CFAP61: variants seen among roughly 807,000 people sequenced by gnomAD.
The protein encoded by CFAP61 is cilia and flagella associated protein 61.
Under a neutral mutation model 135.6 loss-of-function variants are expected in CFAP61, and 107 were observed. The ratio of observed to expected loss-of-function variants is 0.79; its 90% CI spans 0.67 to 0.93. The LOEUF is 0.93. CFAP61 is among the 40% of genes least tolerant of loss of function. The pLI is 0.00. For missense variants in CFAP61, 1,507 were observed against 1,556.2 expected, an observed-to-expected ratio of 0.97 and a Z score of 0.53; for synonymous variants, 575 against 578.5, an observed-to-expected ratio of 0.99 and a Z score of 0.09.
Position 20,127,529 on chromosome 20 carries a change from G to T in CFAP61, c.860-15328G>T, listed in dbSNP as rs369875711. 5.9e-5 allele frequency among the ~76,000 whole-genome samples: 9 copies of T among 151,646 alleles called. No individual in the cohort carries two copies. The South Asian group carries it at 1.7e-3, about 28-fold the overall frequency. On this transcript the variant is annotated intron_variant, in intron 8 of 26. Coordinates refer to ENST00000245957, the MANE Select transcript of CFAP61 (RefSeq NM_015585.4). ...ACCCAGCAAGTCTACCCAGCTCTGG[G>T]CTGGTACGGGGGGTTGTCTGGATAG...
chr20:20,192,637 C>T (rs2056005960), intron 15 of CFAP61, among the ~76,000 whole-genome samples: 1 of 152,114 alleles, frequency 6.6e-6, no homozygotes, highest in Non-Finnish European at 1.5e-5. Flanking sequence ...ACACCTGCCC[C>T]ATCCTTGTAA....
At chr20:20,127,791 T>A (rs966664097) in intron 8 of CFAP61, among the ~76,000 whole-genome samples, 1 of 151,488 alleles carries the variant, frequency 6.6e-6, no homozygotes, top group Non-Finnish European at 1.5e-5. Flanking sequence ...CCAGGGTGGG[T>A]AGGGAAGGAC....
chr20:20,188,666 C>CA (rs2055688055), intron 14 of CFAP61, among the ~76,000 whole-genome samples: 1 of 152,174 alleles, frequency 6.6e-6, no homozygotes, highest in Non-Finnish European at 1.5e-5. Flanking sequence ...AGGGCCATGA[C>CA]AGTTAATCTG....
At chr20:20,215,810 T>TTATA (rs138223129) in intron 17 of CFAP61, among the ~76,000 whole-genome samples, 71 of 150,448 alleles carry the variant, frequency 4.7e-4, no homozygotes, top group Middle Eastern at 3.4e-3. Context: ...GAAGACCTAT[T>TTATA]TATATATATA....
chr20:20,055,860 A>G (rs546746247), intron 1 of CFAP61: 3 of 1,028,192 alleles, frequency 2.9e-6, no homozygotes, highest in Non-Finnish European at 4.5e-6. Flanking sequence ...GGCTTTCCCT[A>G]TGAAGGAAAG....
chr20:20,303,073 C>A (rs1430583747), intron 25 of CFAP61, among the ~76,000 whole-genome samples: 2 of 152,118 alleles, frequency 1.3e-5, no homozygotes, highest in Non-Finnish European at 2.9e-5. Flanking sequence ...TGCTCCTTCA[C>A]TTATATATAG....
At chr20:20,198,068 GAAGA>G (rs1156333053) in intron 16 of CFAP61, among the ~76,000 whole-genome samples, 1 of 152,212 alleles carries the variant, frequency 6.6e-6, no homozygotes, top group African/African-American at 2.4e-5. Context: ...AGGGAATGGG[GAAGA>G]AAGAAGAAAA....
At chr20:20,285,328 G>A (rs1443637439) in intron 22 of CFAP61, among the ~76,000 whole-genome samples, 4 of 149,806 alleles carry the variant, frequency 2.7e-5, no homozygotes, top group Non-Finnish European at 5.9e-5. Flanking sequence ...TGAACTTCTC[G>A]AATCCATAAA....
intron 21 of CFAP61, among the ~76,000 whole-genome samples, chr20:20,269,251 G>T (rs1001812784): frequency 3.6e-4 from 52 of 142,548 alleles, no homozygotes; most frequent in African/African-American, 1.1e-3. Context: ...ACGTATATGT[G>T]CATATATACA....
At chr20:20,225,734 A>G (rs1322064472) in intron 17 of CFAP61, 1 of 152,182 alleles carries the variant, frequency 6.6e-6, no homozygotes, top group Non-Finnish European at 1.5e-5. Context: ...TGCATTTTAA[A>G]TCTGTTAACT....
chr20:20,156,989 A>T (rs1233915527), intron 9 of CFAP61, among the ~76,000 whole-genome samples: 1 of 152,262 alleles, frequency 6.6e-6, no homozygotes, highest in Non-Finnish European at 1.5e-5. Context: ...TCCAAAATTT[A>T]TATGAAAATG....
At chr20:20,252,586 T>G (rs75687539) in intron 20 of CFAP61, among the ~76,000 whole-genome samples, 3,273 of 152,290 alleles carry the variant, frequency 0.021, 109 homozygotes, top group African/African-American at 0.074. Flanking sequence ...CAGCTATCTT[T>G]AGTGTTTGTA....
chr20:20,270,795 G>A (rs920167910), intron 21 of CFAP61, among the ~76,000 whole-genome samples: 41 of 151,318 alleles, frequency 2.7e-4, no homozygotes, highest in African/African-American at 8.3e-4. Context: ...TCAGCCTCCC[G>A]AGTAGCTGGG....
At chr20:20,299,275 G>A (rs1332752444) in intron 25 of CFAP61, among the ~76,000 whole-genome samples, 1 of 152,198 alleles carries the variant, frequency 6.6e-6, no homozygotes, top group Non-Finnish European at 1.5e-5. Context: ...CCTTAACTTA[G>A]CAGTCAGGAA....
At chr20:20,148,622 A>T (rs1400986207) in intron 9 of CFAP61, among the ~76,000 whole-genome samples, 1 of 152,132 alleles carries the variant, frequency 6.6e-6, no homozygotes, top group South Asian at 2.1e-4. Context: ...ATTTGTGTAC[A>T]TTAATTTTGT....
chr20:20,240,091 A>G (rs1291167434), intron 18 of CFAP61, among the ~76,000 whole-genome samples: 1 of 152,148 alleles, frequency 6.6e-6, no homozygotes, highest in Non-Finnish European at 1.5e-5. Context: ...GGATGAGGCG[A>G]CCAAGAGCTT....
intron 25 of CFAP61, among the ~76,000 whole-genome samples, chr20:20,317,379 C>T (rs2057197649): frequency 6.6e-6 from 1 of 152,176 alleles, no homozygotes; most frequent in Non-Finnish European, 1.5e-5. Context: ...TGCTGCAGGC[C>T]CCAAACGTCT....
chr20:20,142,371 A>G (rs1416975590), intron 8 of CFAP61, among the ~76,000 whole-genome samples: 2 of 152,242 alleles, frequency 1.3e-5, no homozygotes, highest in Non-Finnish European at 2.9e-5. Context: ...CCCTTGTGCT[A>G]AGCCTTGGCA....
chr20:20,281,428 C>T (rs1297019096), intron 22 of CFAP61, among the ~76,000 whole-genome samples: 1 of 151,980 alleles, frequency 6.6e-6, no homozygotes, highest in Non-Finnish European at 1.5e-5. Context: ...ACCTTCCATT[C>T]CTAGTTTGTT....
Sources: allele counts gnomAD v4.1 joint callset (sites outside exome capture counted in the v4.1 genomes callset), GRCh38; gene constraint gnomAD v4.1.1; transcripts MANE v1.5; gene names NCBI Gene and HGNC (gene_info 2026-07-23, HGNC 2026-07-21).